Variants in SYNCRIP observed in about 807,000 individuals in gnomAD.
SYNCRIP encodes the protein synaptotagmin binding cytoplasmic RNA interacting protein.
In SYNCRIP, 9 loss-of-function variants were observed where a neutral mutation model predicts 68.9. The ratio of observed to expected loss-of-function variants is 0.13; its 90% CI spans 0.08 to 0.23. SYNCRIP has a LOEUF of 0.23. SYNCRIP is among the 10% of genes least tolerant of loss of function. The pLI is 1.00. For synonymous variants in SYNCRIP, 258 were observed against 254.0 expected, an observed-to-expected ratio of 1.02 and a Z score of -0.15; for missense variants, 414 against 770.6, an observed-to-expected ratio of 0.54 and a Z score of 5.48.
chr6:85,634,088 T>G (rs1393603179), intron 6 of SYNCRIP, among the ~76,000 whole-genome samples: 4 of 152,222 alleles, frequency 2.6e-5, no homozygotes, highest in African/African-American at 9.6e-5. Flanking sequence ...AAAAGAATGC[T>G]TATCTATAGA....
intron 6 of SYNCRIP, among the ~76,000 whole-genome samples, chr6:85,634,833 A>G (rs1047876370): frequency 6.6e-6 from 1 of 152,220 alleles, no homozygotes; most frequent in African/African-American, 2.4e-5. Flanking sequence ...TAATCCTTGC[A>G]CTTTGGGAAG....
intron 6 of SYNCRIP, among the ~76,000 whole-genome samples, chr6:85,632,993 C>T (rs1296792420): frequency 6.6e-6 from 1 of 152,042 alleles, no homozygotes; most frequent in Non-Finnish European, 1.5e-5. Context: ...TGGCTCACAC[C>T]TGTAATCCCA....
At chr6:85,638,678 A>C (rs1302828318) in intron 4 of SYNCRIP, among the ~76,000 whole-genome samples, 2 of 152,210 alleles carry the variant, frequency 1.3e-5, no homozygotes, top group Non-Finnish European at 2.9e-5. Context: ...TACTGTAATT[A>C]ATAAAAACAT....
At chr6:85,639,440 T>C (rs1175489675) in intron 4 of SYNCRIP, among the ~76,000 whole-genome samples, 2 of 152,340 alleles carry the variant, frequency 1.3e-5, no homozygotes, top group East Asian at 3.9e-4. Context: ...CTCCAATTCA[T>C]GGTTGTCTTA....
In SYNCRIP at chr6:85,640,829, T is replaced by C. The variant is rs1809049525; in HGVS notation, c.149-265A>G. Among the ~76,000 whole-genome samples, 3 of 151,954 alleles carry C rather than the reference T, an allele frequency of 2.0e-5. 1 individual carries two copies. The highest frequency in any genetic ancestry group is 2.0e-4 in the Admixed American group (3 of 15,264). ...TGATAACTCTGAACACTACGGTATT[T>C]TTACAGTATACAGACTTACGAATCC... On this transcript the variant is annotated intron_variant, in intron 2 of 10. Transcript: ENST00000369622.
At chr6:85,623,579 A>AAAAAAAACAAAAAAAAAAAAAC (rs1554184894) in intron 7 of SYNCRIP, among the ~76,000 whole-genome samples, 1 of 125,874 alleles carries the variant, frequency 7.9e-6, no homozygotes, top group Non-Finnish European at 1.8e-5. Context: ...AAAAAAAAAA[A>AAAAAAAACAAAAAAAAAAAAAC]AAAACACTCT....
intron 6 of SYNCRIP, among the ~76,000 whole-genome samples, chr6:85,627,165 G>A (rs1807145736): frequency 6.6e-6 from 1 of 151,868 alleles, no homozygotes; most frequent in Non-Finnish European, 1.5e-5. Context: ...CTACTCGGGA[G>A]GCTGAGGCAG....
At chr6:85,639,211 A>AAAACAAAC (rs563869901) in intron 4 of SYNCRIP, among the ~76,000 whole-genome samples, 1 of 152,172 alleles carries the variant, frequency 6.6e-6, no homozygotes, top group African/African-American at 2.4e-5. Context: ...CTGTCTCCCA[A>AAAACAAAC]AAACAAACAA....
chr6:85,613,550 T>C (rs886098415), downstream of SYNCRIP, among the ~76,000 whole-genome samples: 1 of 152,206 alleles, frequency 6.6e-6, no homozygotes, highest in African/African-American at 2.4e-5. Context: ...ATAGACCATA[T>C]GGCCAAAACA....
At chr6:85,627,749 T>C (rs1447794501) in intron 6 of SYNCRIP, among the ~76,000 whole-genome samples, 2 of 152,148 alleles carry the variant, frequency 1.3e-5, no homozygotes, top group East Asian at 3.9e-4. Flanking sequence ...ATCTTGTTAG[T>C]TGTAAAAATC....
rs1440319954 is a variant in SYNCRIP, at chr6:85,618,952, G to A, written c.1159-13C>T. The A allele has an allele frequency of 3.1e-6, 5 of 1,596,524 alleles. No individual in the cohort carries two copies. Among genetic ancestry groups the A allele is most frequent in the East Asian group, 2.2e-5 (1 of 44,666 alleles). On this transcript the variant is annotated splice_polypyrimidine_tract_variant and intron_variant, in intron 9 of 10. Coordinates refer to ENST00000369622, the MANE Select transcript of SYNCRIP (RefSeq NM_006372.5). The stretch of plus-strand genomic sequence containing the variant: ...TTTCTTCCATAGCCTTAAAAAATTA[G>A]ATAAGTCAATATAAAAATAGGACTT...
chr6:85,624,777 A>C (rs777377959), intron 6 of SYNCRIP, among the ~76,000 whole-genome samples: 12 of 152,250 alleles, frequency 7.9e-5, no homozygotes, highest in Middle Eastern at 3.2e-3. Flanking sequence ...GCAACATGTC[A>C]AAGTGACAAA....
At chr6:85,643,674 C>G (rs963596324), upstream of SYNCRIP, 1 of 151,726 alleles carries the variant, frequency 6.6e-6, no homozygotes, top group African/African-American at 2.4e-5. Context: ...CCGCCCCATC[C>G]CTGCCCGGTC....
chr6:85,619,552 T>C (rs1806156007), intron 8 of SYNCRIP, 135 bp from the exon 9 acceptor site: 1 of 729,138 alleles, frequency 1.4e-6, no homozygotes, highest in Non-Finnish European at 2.1e-6. Flanking sequence ...AAAAAAAGTT[T>C]TCAACTCCTT....
chr6:85,635,147 A>G (rs1234800702), intron 6 of SYNCRIP, among the ~76,000 whole-genome samples: 1 of 152,098 alleles, frequency 6.6e-6, no homozygotes, highest in Non-Finnish European at 1.5e-5. Flanking sequence ...CGTGGGTGAC[A>G]GAGACTTTGT....
At chr6:85,636,210 C>T (rs553012454) in intron 6 of SYNCRIP, among the ~76,000 whole-genome samples, 3 of 152,126 alleles carry the variant, frequency 2.0e-5, no homozygotes, top group South Asian at 2.1e-4. Flanking sequence ...TTTGGGAGGC[C>T]GAAGCGAGTG....
At chr6:85,639,962 G>C (rs1310582007) in intron 4 of SYNCRIP, among the ~76,000 whole-genome samples, 1 of 152,022 alleles carries the variant, frequency 6.6e-6, no homozygotes, top group East Asian at 1.9e-4. Flanking sequence ...ATATTCTAGA[G>C]GTATCATGGG....
chr6:85,610,784 A>G (rs567065300), downstream of SYNCRIP: 4 of 152,160 alleles, frequency 2.6e-5, no homozygotes, highest in African/African-American at 9.6e-5. Context: ...TGAAGGCTAC[A>G]TTTAGTTTAC....
exon 12 of SYNCRIP, chr6:85,608,926 A>T (rs1345016116): frequency 2.6e-5 from 4 of 152,000 alleles, no homozygotes; most frequent in African/African-American, 9.6e-5. Flanking sequence ...TTTGCTAGTT[A>T]AAAAATGCCT....
Sources: allele counts gnomAD v4.1 joint callset (sites outside exome capture counted in the v4.1 genomes callset), GRCh38; gene constraint gnomAD v4.1.1; transcripts MANE v1.5; gene names NCBI Gene and HGNC (gene_info 2026-07-23, HGNC 2026-07-21).